Variants in TTN observed in about 807,000 individuals in gnomAD.
The protein encoded by TTN is connectin.
Under a neutral mutation model 3,223.0 loss-of-function variants are expected in TTN, and 1,525 were observed. That is an observed-to-expected ratio of 0.47 (90% CI 0.45 to 0.49). TTN has a LOEUF of 0.49. TTN is among the 20% of genes least tolerant of loss of function. The pLI is 0.00. For missense variants in TTN, 40,786 were observed against 43,424.0 expected (o/e 0.94, Z 5.40); for synonymous variants, 14,094 against 15,161.0 (o/e 0.93, Z 5.17).
intron 118 of TTN, 100 bp downstream of exon 118, chr2:178,693,822 G>T (rs2073048160): frequency 8.0e-7 from 1 of 1,243,524 alleles, no homozygotes; most frequent in Non-Finnish European, 1.1e-6. Flanking sequence ...TTTACAAGGA[G>T]ACAGAAATGT....
intron 44 of TTN, 150 bp from the exon 45 acceptor site, chr2:178,758,066 C>G: frequency 2.4e-6 from 2 of 822,140 alleles, no homozygotes; most frequent in African/African-American, 3.4e-5. Flanking sequence ...ACTATTGACT[C>G]GAAGTCACAC....
chr2:178,688,592 A>G lies in TTN; in HGVS notation c.32197+85T>C, dbSNP rs980467820. 8 of 955,706 alleles carry G rather than the reference A, an allele frequency of 8.4e-6. No individual in the cohort carries two copies. In the South Asian group the frequency reaches 1.1e-4, roughly 13 times the overall value. 59.2% of individuals were successfully genotyped at this position (955,706 alleles called of 1,614,324 possible). On this transcript the variant is annotated intron_variant, in intron 126 of 362. Coordinates refer to ENST00000589042, the MANE Select transcript of TTN (RefSeq NM_001267550.2). Reference sequence around the variant, plus strand: ...GAAATAACTGATGAGGACATGTTCTAAAGTAAACAATCACATGTGGAAGAA... The same window carrying G: ...GAAATAACTGATGAGGACATGTTCTGAAGTAAACAATCACATGTGGAAGAA...
rs2077831957 is a variant in TTN, at chr2:178,718,463, C to T, written c.24643G>A (p.Glu8215Lys). ...TCTGTCATAGTAATACTGCATCTCTCAGATTGTGAAATAAGATACTCGTCC... is the reference window on the plus strand; with the variant it reads ...TCTGTCATAGTAATACTGCATCTCTTAGATTGTGAAATAAGATACTCGTCC... ...IKDEYLISQS[E>K]RCSITMTEKS... The change falls in exon 85 of 363, where the codon GAG (glutamate) becomes AAG (lysine). Residue 8215 changes from glutamate to lysine, a missense_variant. Coordinates refer to ENST00000589042, the MANE Select transcript of TTN (RefSeq NM_001267550.2). The T allele has an allele frequency of 1.2e-6, 2 of 1,613,630 alleles. No homozygotes were observed. The highest frequency in any genetic ancestry group is 1.7e-6 in the Non-Finnish European group (2 of 1,179,758).
Position 178,558,153 on chromosome 2 carries a change from T to C in TTN, c.87201A>G (p.Pro29067=). Residue 29067 remains proline, a synonymous_variant, in exon 328 of 363, where the codon CCA becomes CCG. Coordinates refer to ENST00000589042, the MANE Select transcript of TTN (RefSeq NM_001267550.2). ...RAGSNLKVDI[P]ISGKPLPKVT... is the part of the protein sequence containing the mutation. Reference sequence around the variant, plus strand: ...CTTTGGGAAGTGGTTTTCCAGAGATTGGAATGTCAACTTTAAGGTTTGAAC... The same window carrying C: ...CTTTGGGAAGTGGTTTTCCAGAGATCGGAATGTCAACTTTAAGGTTTGAAC... 1 of 1,613,874 alleles carries C rather than the reference T, an allele frequency of 6.2e-7. No homozygotes were observed. Among genetic ancestry groups the C allele is most frequent in the Non-Finnish European group, 8.5e-7 (1 of 1,179,840 alleles).
intron 238 of TTN, 46 bp from the exon 239 acceptor site, chr2:178,630,413 T>C (rs778116918): frequency 1.3e-6 from 2 of 1,541,994 alleles, no homozygotes; most frequent in Admixed American, 4.6e-5. Context: ...TAATTTTCTT[T>C]GAAATTTTGT....
intron 22 of TTN, chr2:178,779,741 G>A: frequency 1.9e-6 from 1 of 537,908 alleles, no homozygotes; most frequent in South Asian, 2.3e-5. Context: ...AATGAACTCA[G>A]CTGTGCTAAT....
At chr2:178,711,379 CTTTAA>C in intron 96 of TTN, 30 bp from the exon 97 acceptor site, 1 of 1,526,392 alleles carries the variant, frequency 6.6e-7, no homozygotes, top group Non-Finnish European at 8.8e-7. Context: ...GTAACAAATA[CTTTAA>C]TTTACTAAAT....
At chr2:178,683,035 CT>C in intron 134 of TTN, 132 bp from the exon 135 acceptor site, 3 of 1,051,012 alleles carry the variant, frequency 2.9e-6, no homozygotes, top group Admixed American at 2.4e-5. Flanking sequence ...CCTGACTGTT[CT>C]TTTTTGGCCA....
rs144315834 is a variant in TTN, at chr2:178,600,768, A to G, written c.56050+86T>C. 3,106 of 1,499,456 alleles carry G rather than the reference A, an allele frequency of 2.1e-3. 4 individuals are homozygous for G. The highest frequency in any genetic ancestry group is 2.6e-3 in the Non-Finnish European group (2,773 of 1,077,592). 92.9% of individuals were successfully genotyped at this position (1,499,456 alleles called of 1,614,324 possible). Reference sequence around the variant, plus strand: ...CATAGTAGCTTCCTAAGGTACAGATATAGCTCTTTTAATTGTGAACTATTA... The same window carrying G: ...CATAGTAGCTTCCTAAGGTACAGATGTAGCTCTTTTAATTGTGAACTATTA... On this transcript the variant is annotated intron_variant, in intron 288 of 362. Transcript: ENST00000589042.
At chr2:178,582,661 C>T (rs2154178383) in intron 313 of TTN, 69 bp from the exon 314 acceptor site, 3 of 1,414,548 alleles carry the variant, frequency 2.1e-6, no homozygotes, top group Admixed American at 2.4e-5. Flanking sequence ...GTCTGGAGAC[C>T]TGGGCTGCAG....
In TTN at chr2:178,542,778, G is replaced by A. The variant is rs759803579; in HGVS notation, c.97076C>T (p.Thr32359Ile). The A allele has an allele frequency of 1.9e-6, 3 of 1,613,744 alleles. No individual in the cohort carries two copies. Among genetic ancestry groups the A allele is most frequent in the Non-Finnish European group, 8.5e-7 (1 of 1,179,774 alleles). Residue 32359 changes from threonine to isoleucine, a missense_variant, in exon 348 of 363, where the codon ACT (threonine) becomes ATT (isoleucine). Physicochemically the swap from Thr to Ile is moderately conservative, Grantham distance 89 (BLOSUM62 -1). Transcript: ENST00000589042. ...ESERVTVETHTKVAKLTIRET... is the reference protein window; with the variant it reads ...ESERVTVETHIKVAKLTIRET... ...ACGGATGGTTAATTTAGCTACTTTAGTGTGAGTTTCAACTGTGACACGCTC... is the reference window on the plus strand; with the variant it reads ...ACGGATGGTTAATTTAGCTACTTTAATGTGAGTTTCAACTGTGACACGCTC...
chr2:178,631,587 CATT>C (rs904532353), intron 236 of TTN, among the ~76,000 whole-genome samples: 17 of 152,010 alleles, frequency 1.1e-4, no homozygotes, highest in African/African-American at 4.1e-4. Context: ...TGTGTTCCTC[CATT>C]ATTTGGGTAA....
chr2:178,746,224 T>A (rs1213672387), intron 47 of TTN: 1 of 1,612,932 alleles, frequency 6.2e-7, no homozygotes, highest in East Asian at 2.2e-5. Context: ...CTGAATTTTC[T>A]GGAATTTTAA....
In TTN at chr2:178,788,511, A is replaced by G. The variant is rs536854602; in HGVS notation, c.2076+849T>C. Among the ~76,000 whole-genome samples, 7 of 152,226 alleles carry G rather than the reference A, an allele frequency of 4.6e-5. No individual in the cohort carries two copies. The South Asian group carries it at 1.0e-3, about 23-fold the overall frequency. ...GTTTAAAAAGTTTATCTTAAATCAT[A>G]TCTTAGAAAAAAAAGATGTAGAGTC... On this transcript the variant is annotated intron_variant, in intron 13 of 362. Coordinates refer to ENST00000589042, the MANE Select transcript of TTN (RefSeq NM_001267550.2).
intron 48 of TTN, 104 bp from the exon 49 acceptor site, chr2:178,738,464 A>C: frequency 2.2e-6 from 3 of 1,358,410 alleles, no homozygotes; most frequent in Non-Finnish European, 2.9e-6. Context: ...AAACAGTTGA[A>C]ATTGGTGAGA....
In TTN at chr2:178,802,211, G is replaced by C. The variant is rs2094104209; in HGVS notation, c.222C>G (p.Asn74Lys). Residue 74 changes from asparagine to lysine, a missense_variant, in exon 3 of 363, where the codon AAC becomes AAG. By Grantham distance (94) the Asn-to-Lys change is moderately conservative. Coordinates refer to ENST00000589042, the MANE Select transcript of TTN (RefSeq NM_001267550.2). The part of the protein sequence containing the change: ...KLTIPAVTKA[N>K]SGRYSLKATN... ...TGGCTTTCAGGGAATATCGTCCACT[G>C]TTGGCTTTAGTCACGGCGGGGATCG... 6.2e-7 allele frequency: 1 copy of C among 1,614,140 alleles called. No individual in the cohort carries two copies. The highest frequency in any genetic ancestry group is 1.1e-5 in the South Asian group (1 of 91,086).
chr2:178,593,959 AC>A lies in TTN; in HGVS notation c.58432+1del. On this transcript the variant is annotated splice_donor_variant, in intron 297 of 362. Transcript: ENST00000589042. LOFTEE classifies it high-confidence loss of function. ...CTATTCTTTCCACTAAATAAGACTT[AC>A]CAACAACATTAACTTGACAGAAACC... The A allele has an allele frequency of 6.2e-7, 1 of 1,613,222 alleles. No individual in the cohort carries two copies. The highest frequency in any genetic ancestry group is 8.5e-7 in the Non-Finnish European group (1 of 1,179,592).
chr2:178,651,969 T>G lies in TTN; in HGVS notation c.39296-2A>C. 6.2e-7 allele frequency: 1 copy of G among 1,610,820 alleles called. No homozygotes were observed. Among genetic ancestry groups the G allele is most frequent in the South Asian group, 1.1e-5 (1 of 90,646 alleles). ...CAACTTCCTCAGGCTCCTCGAACAC[T>G]TTAAAGACATGAGCTCATTTTAATG... On this transcript the variant is annotated splice_acceptor_variant, in intron 204 of 362. Transcript: ENST00000589042. LOFTEE classifies it high-confidence loss of function.
At chr2:178,709,931 A>T in intron 98 of TTN, 75 bp from the exon 99 acceptor site, 1 of 1,445,168 alleles carries the variant, frequency 6.9e-7, no homozygotes, top group Non-Finnish European at 9.3e-7. Context: ...CAAGAAAAAA[A>T]ACCCTCATAT....
Sources: gnomAD v4.1 joint callset for allele counts (sites outside exome capture counted in the v4.1 genomes callset) on GRCh38, gnomAD v4.1.1 for gene constraint, MANE v1.5 for transcripts, NCBI Gene and HGNC (gene_info 2026-07-23, HGNC 2026-07-21) for gene names.